Variants in CSMD1 observed in about 807,000 individuals in gnomAD.
CSMD1 encodes the protein CUB and Sushi multiple domains 1.
A neutral mutation model predicts 417.5 loss-of-function variants in CSMD1; 213 were observed. The ratio of observed to expected loss-of-function variants is 0.51; its 90% CI spans 0.46 to 0.57. CSMD1 has a LOEUF of 0.57. Ranked by LOEUF, CSMD1 falls within the 20% of genes least tolerant of loss-of-function variation. CSMD1 has a pLI of 0.00. For synonymous variants in CSMD1, 2,862 were observed against 1,736.8 expected (o/e 1.65, Z -16.11); for missense variants, 6,923 against 4,529.7 (o/e 1.53, Z -15.17).
At chr8:4,674,539 T>C (rs972803784) in intron 1 of CSMD1, among the ~76,000 whole-genome samples, 4 of 152,102 alleles carry the variant, frequency 2.6e-5, no homozygotes, top group African/African-American at 9.7e-5. Flanking sequence ...AGGAGCAACT[T>C]GACCATAATA....
intron 3 of CSMD1, among the ~76,000 whole-genome samples, chr8:4,404,685 G>C (rs960806622): frequency 2.0e-5 from 3 of 151,670 alleles, no homozygotes; most frequent in African/African-American, 7.3e-5. Flanking sequence ...TTAAACTTAT[G>C]TTTATAATAT....
chr8:3,215,165 T>C (rs1797811334), intron 29 of CSMD1, among the ~76,000 whole-genome samples: 1 of 152,250 alleles, frequency 6.6e-6, no homozygotes, highest in African/African-American at 2.4e-5. Flanking sequence ...GTTTAATTCC[T>C]GAAAGTTAAG....
intron 3 of CSMD1, among the ~76,000 whole-genome samples, chr8:4,376,445 G>T (rs142183666): frequency 1.3e-5 from 2 of 151,910 alleles, no homozygotes; most frequent in African/African-American, 4.8e-5. Context: ...AATATTTTCG[G>T]CTTATTCTGT....
chr8:4,790,513 C>T (rs777360741), intron 1 of CSMD1, among the ~76,000 whole-genome samples: 5 of 151,954 alleles, frequency 3.3e-5, no homozygotes, highest in Admixed American at 6.6e-5. Flanking sequence ...AAAAAGAGAC[C>T]GAAAAGCTAA....
At chr8:3,720,391 A>C (rs1802083531) in intron 6 of CSMD1, among the ~76,000 whole-genome samples, 1 of 152,196 alleles carries the variant, frequency 6.6e-6, no homozygotes, top group South Asian at 2.1e-4. Context: ...TGGGAATAAT[A>C]AAAGCTGTCC....
At chr8:3,421,926 C>T (rs911319556) in intron 12 of CSMD1, among the ~76,000 whole-genome samples, 19 of 151,758 alleles carry the variant, frequency 1.3e-4, no homozygotes, top group Admixed American at 7.9e-4. Context: ...GCGTGAGCCA[C>T]GGCGCCCGGC....
At chr8:3,430,585 T>A (rs754704454) in intron 12 of CSMD1, among the ~76,000 whole-genome samples, 2 of 152,190 alleles carry the variant, frequency 1.3e-5, no homozygotes, top group Non-Finnish European at 2.9e-5. Context: ...AGCGGGTGGA[T>A]CATTTGAGGT....
intron 1 of CSMD1, among the ~76,000 whole-genome samples, chr8:4,932,670 G>A (rs1171058668): frequency 2.0e-5 from 3 of 152,154 alleles, no homozygotes; most frequent in Non-Finnish European, 2.9e-5. Context: ...AAGGCTGCAG[G>A]AATGAATGAC....
At position 4,144,435 on chromosome 8, in the gene CSMD1, T is replaced by C. The variant is rs546344880; in HGVS notation, c.416-112336A>G. Among the ~76,000 whole-genome samples, 13 of 151,332 alleles carry C rather than the reference T, an allele frequency of 8.6e-5. 1 individual carries two copies. Among genetic ancestry groups the C allele is most frequent in the African/African-American group, 2.2e-4 (9 of 40,618 alleles). Reference sequence around the variant, plus strand: ...GAAAAATCTGAAGTGAAGAATCACATTTCTCTAGTTTCAACTGCTCCATGA... The same window carrying C: ...GAAAAATCTGAAGTGAAGAATCACACTTCTCTAGTTTCAACTGCTCCATGA... On this transcript the variant is annotated intron_variant, in intron 3 of 69. Coordinates refer to ENST00000635120, the MANE Select transcript of CSMD1 (RefSeq NM_033225.6).
At chr8:3,029,296 G>A (rs1414134511) in intron 51 of CSMD1, 23 bp downstream of exon 51, 1 of 1,550,550 alleles carries the variant, frequency 6.4e-7, no homozygotes. Flanking sequence ...GTGACTTTCA[G>A]GGGTGCCTCC....
At chr8:4,798,260 GTGTT>G (rs1798088152) in intron 1 of CSMD1, among the ~76,000 whole-genome samples, 1 of 152,144 alleles carries the variant, frequency 6.6e-6, no homozygotes, top group Non-Finnish European at 1.5e-5. Context: ...AGAACATGCG[GTGTT>G]TGTTTTCTGT....
chr8:3,088,920 T>A (rs991762772), intron 48 of CSMD1, among the ~76,000 whole-genome samples: 4 of 147,592 alleles, frequency 2.7e-5, no homozygotes, highest in Admixed American at 6.8e-5. Context: ...AAGTCATAGA[T>A]AAGTTAAATA....
chr8:3,915,237 C>A (rs1180460282), intron 5 of CSMD1, among the ~76,000 whole-genome samples: 3 of 151,820 alleles, frequency 2.0e-5, no homozygotes, highest in African/African-American at 7.3e-5. Flanking sequence ...GAAACTCTGC[C>A]TCTACCAAAA....
intron 1 of CSMD1, among the ~76,000 whole-genome samples, chr8:4,857,540 G>A (rs1300755791): frequency 6.6e-6 from 1 of 152,068 alleles, no homozygotes; most frequent in South Asian, 2.1e-4. Context: ...GAAAAAAAGA[G>A]AGAAGAATCA....
At chr8:3,867,786 T>C (rs1805206149) in intron 5 of CSMD1, among the ~76,000 whole-genome samples, 2 of 152,252 alleles carry the variant, frequency 1.3e-5, no homozygotes, top group Non-Finnish European at 1.5e-5. Flanking sequence ...TTCCTGTATA[T>C]GTGGAGTATG....
At chr8:4,874,827 T>C (rs1192893602) in intron 1 of CSMD1, among the ~76,000 whole-genome samples, 2 of 149,854 alleles carry the variant, frequency 1.3e-5, no homozygotes, top group Admixed American at 6.7e-5. Flanking sequence ...CACACACACT[T>C]AATTCTGGTT....
At chr8:3,957,071 G>A (rs746489738) in intron 5 of CSMD1, among the ~76,000 whole-genome samples, 2 of 152,042 alleles carry the variant, frequency 1.3e-5, no homozygotes, top group African/African-American at 2.4e-5. Flanking sequence ...CAAAAACGCC[G>A]GGGGAGGCTC....
At chr8:3,224,477 G>A (rs1798385182) in intron 27 of CSMD1, among the ~76,000 whole-genome samples, 2 of 152,158 alleles carry the variant, frequency 1.3e-5, no homozygotes, top group Non-Finnish European at 1.5e-5. Flanking sequence ...GTCCCCTGGT[G>A]TATGGAAGGC....
intron 50 of CSMD1, among the ~76,000 whole-genome samples, chr8:3,045,114 C>T (rs550258669): frequency 3.9e-5 from 6 of 152,158 alleles, no homozygotes; most frequent in East Asian, 1.9e-4. Flanking sequence ...CTTTAAAGAA[C>T]GACGGGAGGA....
Sources: gnomAD v4.1 joint callset for allele counts (sites outside exome capture counted in the v4.1 genomes callset) on GRCh38, gnomAD v4.1.1 for gene constraint, MANE v1.5 for transcripts, NCBI Gene and HGNC (gene_info 2026-07-23, HGNC 2026-07-21) for gene names.